The following TNS3 variants were observed in gnomAD, a reference collection of about 807,000 sequenced individuals.
TNS3 encodes tensin 3, also known as tensin-3.
Under a neutral mutation model 140.9 loss-of-function variants are expected in TNS3, and 45 were observed. The observed-to-expected ratio is 0.32, with a 90% CI of 0.25 to 0.41. The LOEUF is 0.41. Among genes scored for constraint, TNS3 ranks in the 10% least tolerant of loss-of-function variants. TNS3 has a pLI of 1.00. For synonymous variants in TNS3, 815 were observed against 788.4 expected, an observed-to-expected ratio of 1.03 and a Z score of -0.56; for missense variants, 1,716 against 1,906.7, an observed-to-expected ratio of 0.90 and a Z score of 1.86.
At chr7:47,330,355 G>A (rs763255118) in intron 20 of TNS3, among the ~76,000 whole-genome samples, 3 of 152,164 alleles carry the variant, frequency 2.0e-5, no homozygotes, top group Admixed American at 6.5e-5. Context: ...CCCTTTGCAG[G>A]CATGATGCAC....
chr7:47,452,436 T>C (rs1339303980), intron 4 of TNS3, among the ~76,000 whole-genome samples: 1 of 152,178 alleles, frequency 6.6e-6, no homozygotes, highest in Non-Finnish European at 1.5e-5. Flanking sequence ...GTACACCCCA[T>C]GGAGGGTGGG....
intron 3 of TNS3, among the ~76,000 whole-genome samples, chr7:47,496,561 G>A (rs1415250540): frequency 1.3e-5 from 2 of 152,224 alleles, no homozygotes. Context: ...ACCCTCATCT[G>A]CACACCACCG....
At position 47,389,163 on chromosome 7, in the gene TNS3, A is replaced by C. The variant is rs371010245; in HGVS notation, c.1024+7637T>G. 5.0e-4 allele frequency among the ~76,000 whole-genome samples: 5 copies of C among 10,050 alleles called. 1 individual carries two copies. The highest frequency in any genetic ancestry group is 9.4e-4 in the Non-Finnish European group (3 of 3,180). 6.6% of individuals were successfully genotyped at this position (10,050 alleles called of 152,430 possible). ...GAAGAAGAAGAAGAAGAAGCAGAAGAAGCAGCAGAAGCAGAAGAAGCAGAA... is the reference window on the plus strand; with the variant it reads ...GAAGAAGAAGAAGAAGAAGCAGAAGCAGCAGCAGAAGCAGAAGAAGCAGAA... On this transcript the variant is annotated intron_variant, in intron 16 of 30. Coordinates refer to ENST00000311160, the MANE Select transcript of TNS3 (RefSeq NM_022748.12).
intron 3 of TNS3, among the ~76,000 whole-genome samples, chr7:47,498,124 T>G (rs1472671246): frequency 3.3e-5 from 5 of 152,200 alleles, no homozygotes; most frequent in East Asian, 3.9e-4. Context: ...AGGGAGAGCT[T>G]CTTTCTCAGG....
intron 3 of TNS3, among the ~76,000 whole-genome samples, chr7:47,487,276 G>C (rs1797646794): frequency 6.8e-6 from 1 of 147,550 alleles, no homozygotes; most frequent in East Asian, 2.0e-4. Context: ...CTGGGCGACA[G>C]AGCAAGACTC....
intron 3 of TNS3, among the ~76,000 whole-genome samples, chr7:47,493,285 C>A (rs1014754574): frequency 2.0e-5 from 3 of 152,186 alleles, no homozygotes; most frequent in African/African-American, 7.2e-5. Context: ...TGCAGAATGG[C>A]ATATCAAATA....
At chr7:47,297,299 C>T in intron 23 of TNS3, 86 bp from the exon 24 acceptor site, 1 of 1,487,234 alleles carries the variant, frequency 6.7e-7, no homozygotes, top group African/African-American at 1.4e-5. Flanking sequence ...GGTCCTCTCC[C>T]CTTACTCTTT....
intron 2 of TNS3, among the ~76,000 whole-genome samples, chr7:47,528,112 C>T (rs1322556035): frequency 6.6e-6 from 1 of 151,994 alleles, no homozygotes; most frequent in Admixed American, 6.6e-5. Context: ...TCCAAGGGGC[C>T]GAATCAGAGG....
At chr7:47,531,721 G>T (rs1799409905) in intron 1 of TNS3, among the ~76,000 whole-genome samples, 1 of 152,246 alleles carries the variant, frequency 6.6e-6, no homozygotes, top group Admixed American at 6.5e-5. Flanking sequence ...GCTGGCTGCA[G>T]CAGGGAGGTG....
At chr7:47,400,670 A>G in intron 14 of TNS3, 115 bp downstream of exon 14, 2 of 1,512,952 alleles carry the variant, frequency 1.3e-6, no homozygotes, top group Non-Finnish European at 1.8e-6. Context: ...TTTGGGAACA[A>G]TTTTGTCAGT....
chr7:47,551,913 G>A (rs1175438440), intron 1 of TNS3, among the ~76,000 whole-genome samples: 3 of 152,130 alleles, frequency 2.0e-5, no homozygotes, highest in East Asian at 1.9e-4. Flanking sequence ...GGGGTGGAGA[G>A]GGAGGCTACA....
intron 16 of TNS3, among the ~76,000 whole-genome samples, chr7:47,375,206 CAGG>C (rs771348473): frequency 3.3e-5 from 5 of 152,154 alleles, no homozygotes; most frequent in Admixed American, 6.5e-5. Flanking sequence ...GCTGCGGATG[CAGG>C]AGGAGAACCT....
intron 16 of TNS3, among the ~76,000 whole-genome samples, chr7:47,387,590 G>A (rs144311769): frequency 1.9e-3 from 290 of 152,314 alleles, no homozygotes; most frequent in African/African-American, 6.2e-3. Flanking sequence ...TGCACCTTTT[G>A]TATGAACACC....
chr7:47,284,300 G>A (rs1040646427), intron 27 of TNS3, among the ~76,000 whole-genome samples: 1 of 152,188 alleles, frequency 6.6e-6, no homozygotes, highest in African/African-American at 2.4e-5. Flanking sequence ...AGAGGCCCTT[G>A]AGAAACAACC....
chr7:47,414,219 G>A (rs1793949041), intron 11 of TNS3, among the ~76,000 whole-genome samples: 1 of 152,164 alleles, frequency 6.6e-6, no homozygotes, highest in Admixed American at 6.5e-5. Flanking sequence ...TATCCAAAGG[G>A]TGCCAAAGGC....
chr7:47,348,222 G>C (rs1476312400), intron 17 of TNS3, among the ~76,000 whole-genome samples: 4 of 152,276 alleles, frequency 2.6e-5, no homozygotes, highest in Middle Eastern at 3.2e-3. Context: ...CAAGGTGGCA[G>C]GCGATAGCCC....
intron 24 of TNS3, among the ~76,000 whole-genome samples, chr7:47,296,186 T>C (rs1464878140): frequency 6.6e-6 from 1 of 151,428 alleles, no homozygotes; most frequent in Non-Finnish European, 1.5e-5. Flanking sequence ...AAAAGAAAAC[T>C]GAAAATCAAG....
At chr7:47,462,146 A>G (rs1796515965) in intron 4 of TNS3, among the ~76,000 whole-genome samples, 2 of 152,220 alleles carry the variant, frequency 1.3e-5, no homozygotes, top group Admixed American at 6.5e-5. Flanking sequence ...ATAATCACTT[A>G]TAAATTCTGA....
intron 4 of TNS3, 102 bp downstream of exon 4, chr7:47,481,001 C>A (rs1271288058): frequency 2.2e-6 from 2 of 926,020 alleles, no homozygotes; most frequent in East Asian, 1.2e-4. Context: ...GGCATGGATC[C>A]TAGAGGAAGC....
Sources: gnomAD v4.1 joint callset for allele counts (sites outside exome capture counted in the v4.1 genomes callset) on GRCh38, gnomAD v4.1.1 for gene constraint, MANE v1.5 for transcripts, NCBI Gene and HGNC (gene_info 2026-07-23, HGNC 2026-07-21) for gene names.